Variants in TULP4 observed in about 807,000 individuals in gnomAD.
TULP4 encodes the protein TUB like protein 4, also known as tubby-related protein 4.
In TULP4, 16 loss-of-function variants were observed where a neutral mutation model predicts 129.0. The ratio of observed to expected loss-of-function variants is 0.12; its 90% CI spans 0.08 to 0.19. The LOEUF (loss-of-function observed/expected upper bound fraction) is 0.19. TULP4 is among the 10% of genes least tolerant of loss of function. The pLI is 1.00. For synonymous variants in TULP4, 998 were observed against 854.0 expected (o/e 1.17, Z -2.94); for missense variants, 1,842 against 2,059.1 (o/e 0.89, Z 2.04).
chr6:158,385,231 A>C lies in TULP4; in HGVS notation c.253-27834A>C, dbSNP rs1417654086. ...ATCTTGATAAAAATATCAAAATATC[A>C]GGAGCTTATGATAACAGTTTATTAC... On this transcript the variant is annotated intron_variant, in intron 1 of 13. Transcript: ENST00000367097. Among the ~76,000 whole-genome samples, 4 of 152,336 alleles carry C rather than the reference A, an allele frequency of 2.6e-5. No homozygotes were observed. The East Asian group carries it at 7.7e-4, about 29-fold the overall frequency.
At chr6:158,259,042 C>A (rs993267164) in intron 1 of TULP4, among the ~76,000 whole-genome samples, 5 of 152,084 alleles carry the variant, frequency 3.3e-5, no homozygotes, top group African/African-American at 1.2e-4. Flanking sequence ...ACAGCCTGGC[C>A]AATATGGTGA....
intron 1 of TULP4, among the ~76,000 whole-genome samples, chr6:158,348,329 C>T (rs907896425): frequency 1.3e-5 from 2 of 151,920 alleles, no homozygotes; most frequent in African/African-American, 2.4e-5. Flanking sequence ...TGCGGCCTTC[C>T]ACAGTGTTTG....
intron 3 of TULP4, among the ~76,000 whole-genome samples, chr6:158,443,986 A>G (rs563919606): frequency 0.012 from 1,749 of 152,084 alleles, 32 homozygotes; most frequent in African/African-American, 0.038. Flanking sequence ...TTGGGGGGCC[A>G]GGGTGGGCGG....
intron 2 of TULP4, among the ~76,000 whole-genome samples, chr6:158,421,548 T>C (rs1778342582): frequency 6.6e-6 from 1 of 152,210 alleles, no homozygotes; most frequent in African/African-American, 2.4e-5. Context: ...CAGCCCAAAG[T>C]TCTTTTGCAG....
At chr6:158,272,923 A>AT (rs1319145268) in intron 1 of TULP4, among the ~76,000 whole-genome samples, 2 of 152,212 alleles carry the variant, frequency 1.3e-5, no homozygotes, top group Admixed American at 6.5e-5. Flanking sequence ...ATGGACTTTG[A>AT]TTATTGGGTT....
chr6:158,481,597 G>A (rs371380915), intron 8 of TULP4: 90 of 430,900 alleles, frequency 2.1e-4, no homozygotes, highest in East Asian at 1.0e-3. Context: ...CACAGTTACC[G>A]AGTATTCATC....
At chr6:158,421,009 C>T (rs1027529230) in intron 2 of TULP4, among the ~76,000 whole-genome samples, 6 of 152,064 alleles carry the variant, frequency 3.9e-5, no homozygotes, top group Admixed American at 2.0e-4. Flanking sequence ...GTGGTCGGGC[C>T]GCAGTTTGGT....
At chr6:158,414,923 G>A (rs1778174581) in intron 2 of TULP4, among the ~76,000 whole-genome samples, 2 of 152,232 alleles carry the variant, frequency 1.3e-5, no homozygotes, top group Admixed American at 1.3e-4. Context: ...CAGGAGTTGA[G>A]TAACTTGTCC....
At chr6:158,268,762 C>G (rs1657211501) in intron 1 of TULP4, among the ~76,000 whole-genome samples, 1 of 152,174 alleles carries the variant, frequency 6.6e-6, no homozygotes, top group South Asian at 2.1e-4. Context: ...ATATTACTTA[C>G]AAATCAGGGT....
intron 1 of TULP4, among the ~76,000 whole-genome samples, chr6:158,349,475 T>TG (rs1780432838): frequency 1.1e-5 from 1 of 88,106 alleles, no homozygotes; most frequent in Non-Finnish European, 2.2e-5. Flanking sequence ...ACCTCCCAGA[T>TG]GGGTTGGCAG....
At chr6:158,453,790 GAAA>G (rs1184468061) in intron 5 of TULP4, among the ~76,000 whole-genome samples, 2 of 112,910 alleles carry the variant, frequency 1.8e-5, no homozygotes, top group Non-Finnish European at 3.6e-5. Flanking sequence ...CTCTGTCTCG[GAAA>G]AAAAAAAAAA....
chr6:158,368,066 C>CAAAAAAAAAAAAAAAAAA lies in TULP4; in HGVS notation c.253-44994_253-44977dup, dbSNP rs3085241. ...ACTCCAGCCTGGGTGACCCTGTCTC[C>CAAAAAAAAAAAAAAAAAA]AAAAAAAAAAAAAAAAAAAAAAGGA... On this transcript the variant is annotated intron_variant, in intron 1 of 13. Transcript: ENST00000367097. 1.8e-3 allele frequency among the ~76,000 whole-genome samples: 116 copies of CAAAAAAAAAAAAAAAAAA among 65,004 alleles called. 12 individuals carry two copies. Among genetic ancestry groups the CAAAAAAAAAAAAAAAAAA allele is most frequent in the Non-Finnish European group, 2.4e-3 (83 of 34,456 alleles). 42.6% of individuals were successfully genotyped at this position (65,004 alleles called of 152,430 possible). A position where few individuals can be genotyped will look rare whatever the true frequency, so the allele number is the denominator to read the frequency against.
chr6:158,484,588 A>T, intron 8 of TULP4, among the ~76,000 whole-genome samples: 1 of 152,156 alleles, frequency 6.6e-6, no homozygotes, highest in East Asian at 1.9e-4. Context: ...GAGTTCATAT[A>T]GGTGGATCCT....
intron 1 of TULP4, among the ~76,000 whole-genome samples, chr6:158,299,654 C>T (rs1562510386): frequency 6.6e-6 from 1 of 152,184 alleles, no homozygotes; most frequent in East Asian, 1.9e-4. Context: ...AAATGCAGTG[C>T]TTTCTTTTCC....
At position 158,368,066 on chromosome 6, in the gene TULP4, C is replaced by CAAAAAAAAAAAAAAAAAAA. The variant is rs3085241; in HGVS notation, c.253-44995_253-44977dup. ...ACTCCAGCCTGGGTGACCCTGTCTC[C>CAAAAAAAAAAAAAAAAAAA]AAAAAAAAAAAAAAAAAAAAAAGGA... On this transcript the variant is annotated intron_variant, in intron 1 of 13. Transcript: ENST00000367097. Among the ~76,000 whole-genome samples the CAAAAAAAAAAAAAAAAAAA allele has an allele frequency of 5.7e-4, 37 of 65,014 alleles. 2 individuals carry two copies. The highest frequency in any genetic ancestry group is 8.4e-4 in the Non-Finnish European group (29 of 34,464). 42.7% of individuals were successfully genotyped at this position (65,014 alleles called of 152,430 possible). A position where few individuals can be genotyped will look rare whatever the true frequency, so the allele number is the denominator to read the frequency against.
chr6:158,388,144 C>T (rs1341863670), intron 1 of TULP4, among the ~76,000 whole-genome samples: 2 of 152,018 alleles, frequency 1.3e-5, no homozygotes, highest in Non-Finnish European at 2.9e-5. Flanking sequence ...GTAATCTCAT[C>T]TTTTTCTATT....
Position 158,507,008 on chromosome 6 carries a change from A to T in TULP4, c.*314A>T, listed in dbSNP as rs916714046. 8.9e-6 allele frequency: 3 copies of T among 337,068 alleles called. No individual in the cohort carries two copies. In the Admixed American group the frequency reaches 1.4e-4, roughly 15 times the overall value. 20.9% of individuals were successfully genotyped at this position (337,068 alleles called of 1,614,324 possible). A position where few individuals can be genotyped will look rare whatever the true frequency, so the allele number is the denominator to read the frequency against. ...GTAATGCTCTACTGGGCCCTTCAGA[A>T]TGAAGACAGTCTGCCTTAGAGCCTG... On this transcript the variant is annotated 3_prime_UTR_variant, in exon 14 of 14. Coordinates refer to ENST00000367097, the MANE Select transcript of TULP4 (RefSeq NM_020245.5).
intron 1 of TULP4, among the ~76,000 whole-genome samples, chr6:158,290,339 T>C (rs899847485): frequency 1.3e-5 from 2 of 152,236 alleles, no homozygotes; most frequent in African/African-American, 2.4e-5. Flanking sequence ...TTGAGAAATG[T>C]CTTTTCAGAT....
At chr6:158,366,321 A>G (rs1161463042) in intron 1 of TULP4, among the ~76,000 whole-genome samples, 1 of 152,026 alleles carries the variant, frequency 6.6e-6, no homozygotes, top group Non-Finnish European at 1.5e-5. Context: ...TGGTTTTGCT[A>G]TTGTCCTCCC....
Sources: gnomAD v4.1 joint callset for allele counts (sites outside exome capture counted in the v4.1 genomes callset) on GRCh38, gnomAD v4.1.1 for gene constraint, MANE v1.5 for transcripts, NCBI Gene and HGNC (gene_info 2026-07-23, HGNC 2026-07-21) for gene names.